The following PDE10A variants were observed in gnomAD, a reference collection of about 807,000 sequenced individuals.
The protein encoded by PDE10A is phosphodiesterase 10A.
PDE10A carries 39 observed loss-of-function variants against 97.7 expected under a neutral mutation model. The observed-to-expected ratio is 0.40, with a 90% CI of 0.31 to 0.52. The LOEUF (loss-of-function observed/expected upper bound fraction) is 0.52, where lower values mean the gene tolerates loss of function less well. PDE10A is among the 20% of genes least tolerant of loss of function. The probability of loss-of-function intolerance (pLI) is 0.56; values close to 1 mark genes in which losing one functional copy is unlikely to be tolerated. For missense variants in PDE10A, 731 were observed against 1,047.8 expected, an observed-to-expected ratio of 0.70 and a Z score of 4.17; for synonymous variants, 371 against 376.8, an observed-to-expected ratio of 0.98 and a Z score of 0.18.
At position 165,534,678 on chromosome 6, in the gene PDE10A, A is replaced by T. The variant is rs533796234; in HGVS notation, c.994+8762T>A. Reference sequence around the variant, plus strand: ...ATCAATAAATATGATATATCACATTAATAGAATGAGACAGAAAGCATATGA... The same window carrying T: ...ATCAATAAATATGATATATCACATTTATAGAATGAGACAGAAAGCATATGA... On this transcript the variant is annotated intron_variant, in intron 2 of 21. Transcript: ENST00000539869. Among the ~76,000 whole-genome samples, 5 of 152,222 alleles carry T rather than the reference A, an allele frequency of 3.3e-5. No individual in the cohort carries two copies. The East Asian group carries it at 5.8e-4, about 18-fold the overall frequency.
Position 165,561,107 on chromosome 6 carries a change from TA to T in PDE10A, c.866-17540del, listed in dbSNP as rs1164308861. Among the ~76,000 whole-genome samples the T allele has an allele frequency of 2.0e-5, 3 of 151,684 alleles. No homozygotes were observed. In the East Asian group the frequency reaches 5.8e-4, roughly 29 times the overall value. On this transcript the variant is annotated intron_variant, in intron 1 of 21. Transcript: ENST00000539869. ...GGTGGCGGGCACCTGTAGTCCCAGC[TA>T]CTCGGGAGGCTGAGGCAGAAGAATT...
At chr6:165,940,513 G>A (rs1165703839) in intron 1 of PDE10A, 6 of 152,286 alleles carry the variant, frequency 3.9e-5, no homozygotes, top group African/African-American at 1.4e-4. Context: ...TTTTCATCGT[G>A]ATGCATCTCC....
intron 5 of PDE10A, among the ~76,000 whole-genome samples, chr6:165,446,163 A>G (rs988858302): frequency 1.3e-5 from 2 of 152,224 alleles, no homozygotes; most frequent in African/African-American, 4.8e-5. Flanking sequence ...GAGATAATTT[A>G]TCAACCTGAA....
At chr6:165,612,517 C>T (rs542563412) in intron 1 of PDE10A, among the ~76,000 whole-genome samples, 7 of 152,138 alleles carry the variant, frequency 4.6e-5, no homozygotes, top group East Asian at 1.9e-4. Context: ...TACAAGCGCC[C>T]GCCACCATGT....
intron 1 of PDE10A, among the ~76,000 whole-genome samples, chr6:165,653,939 G>A (rs1789811967): frequency 6.6e-6 from 1 of 152,000 alleles, no homozygotes; most frequent in South Asian, 2.1e-4. Context: ...CTGACTTCTG[G>A]CTGCGCATCT....
At chr6:165,500,922 G>A (rs62443780) in intron 2 of PDE10A, among the ~76,000 whole-genome samples, 17,918 of 152,068 alleles carry the variant, frequency 0.12, 1,146 homozygotes, top group South Asian at 0.18. Flanking sequence ...GTTTGTGTAC[G>A]TGCACATCAA....
chr6:165,433,336 T>A (rs1789736422), intron 6 of PDE10A, among the ~76,000 whole-genome samples: 1 of 152,220 alleles, frequency 6.6e-6, no homozygotes, highest in Non-Finnish European at 1.5e-5. Flanking sequence ...ACTGCTTTAA[T>A]ATTTCTTTAT....
chr6:165,373,689 T>C (rs539142495), intron 18 of PDE10A, among the ~76,000 whole-genome samples: 2 of 152,240 alleles, frequency 1.3e-5, no homozygotes, highest in African/African-American at 4.8e-5. Context: ...CTCAGGGATC[T>C]AGAACTAGAA....
intron 1 of PDE10A, chr6:165,894,327 C>T (rs750462286): frequency 4.4e-5 from 20 of 456,012 alleles, no homozygotes; most frequent in East Asian, 1.4e-4. Flanking sequence ...TATGAGACAG[C>T]GCTAACGCAA....
At chr6:165,422,937 T>C (rs528467422) in intron 10 of PDE10A, among the ~76,000 whole-genome samples, 30 of 151,872 alleles carry the variant, frequency 2.0e-4, no homozygotes, top group South Asian at 4.2e-4. Flanking sequence ...GTAAGAAGAG[T>C]AAAAAAAATT....
intron 1 of PDE10A, among the ~76,000 whole-genome samples, chr6:165,649,633 G>C (rs1241120788): frequency 2.0e-5 from 3 of 152,096 alleles, no homozygotes; most frequent in Admixed American, 6.5e-5. Context: ...AGAGGTGCAG[G>C]GGTGCCCACT....
intron 1 of PDE10A, among the ~76,000 whole-genome samples, chr6:165,770,265 A>G (rs902909981): frequency 2.6e-5 from 4 of 152,060 alleles, no homozygotes; most frequent in African/African-American, 9.7e-5. Flanking sequence ...ATGATGTCAC[A>G]TTTCCCAGTA....
intron 20 of PDE10A, among the ~76,000 whole-genome samples, chr6:165,338,462 G>A (rs949828629): frequency 1.3e-5 from 2 of 152,148 alleles, no homozygotes; most frequent in African/African-American, 2.4e-5. Context: ...ATACACATGT[G>A]CAAAACTAGC....
chr6:165,696,233 T>C (rs1199703550), intron 1 of PDE10A, among the ~76,000 whole-genome samples: 1 of 152,222 alleles, frequency 6.6e-6, no homozygotes, highest in Non-Finnish European at 1.5e-5. Flanking sequence ...ATTACAGTGG[T>C]CCTTTTTTAT....
chr6:165,662,121 G>A lies in PDE10A; in HGVS notation c.691C>T (p.Pro231Ser). The A allele has an allele frequency of 1.0e-6, 1 of 966,860 alleles. No homozygotes were observed. The highest frequency in any genetic ancestry group is 1.2e-6 in the Non-Finnish European group (1 of 803,370). 59.9% of individuals were successfully genotyped at this position (966,860 alleles called of 1,614,324 possible). A position where few individuals can be genotyped will look rare whatever the true frequency, so the allele number is the denominator to read the frequency against. Reference protein sequence around the residue: ...LGQAARRAGSPGFPGAGPGGG... With the variant: ...LGQAARRAGSSGFPGAGPGGG... ...CCTGGGCCGGCGCCGGGGAAGCCGGGGGAGCCCGCGCGGCGGGCGGCCTGG... is the reference window on the plus strand; with the variant it reads ...CCTGGGCCGGCGCCGGGGAAGCCGGAGGAGCCCGCGCGGCGGGCGGCCTGG... The change falls in exon 1 of 22, where the codon CCC (proline) becomes TCC (serine). Residue 231 changes from proline (P) to serine (S), a missense_variant. Around this residue, in one of 8 missense-constraint regions of PDE10A, gnomAD observed 181 missense variants for 159.1 expected, o/e 1.14. Transcript: ENST00000539869.
At chr6:165,452,001 G>C (rs1052996486) in intron 3 of PDE10A, among the ~76,000 whole-genome samples, 60 of 152,216 alleles carry the variant, frequency 3.9e-4, no homozygotes, top group African/African-American at 1.4e-3. Context: ...GGCTTAGCAA[G>C]ATTGGAATGC....
intron 1 of PDE10A, among the ~76,000 whole-genome samples, chr6:165,724,362 C>T (rs1004492659): frequency 1.3e-5 from 2 of 152,014 alleles, no homozygotes; most frequent in Admixed American, 6.5e-5. Context: ...GATGTGAACG[C>T]GTGTTGAGAA....
At chr6:165,777,191 A>G (rs943261840) in intron 1 of PDE10A, among the ~76,000 whole-genome samples, 15 of 152,248 alleles carry the variant, frequency 9.9e-5, no homozygotes, top group South Asian at 8.3e-4. Flanking sequence ...AGTAGCTGGG[A>G]AGAGGAGATG....
intron 1 of PDE10A, among the ~76,000 whole-genome samples, chr6:165,890,082 T>C (rs1469216568): frequency 4.3e-5 from 5 of 115,748 alleles, no homozygotes; most frequent in African/African-American, 1.7e-4. Flanking sequence ...CCTCACTCAC[T>C]CCTCACTCCT....
Sources: allele counts gnomAD v4.1 joint callset (sites outside exome capture counted in the v4.1 genomes callset), GRCh38; gene constraint gnomAD v4.1.1; regional missense constraint gnomAD v4.1.1; transcripts MANE v1.5; gene names NCBI Gene and HGNC (gene_info 2026-07-23, HGNC 2026-07-21).